MRPS22: variants seen among roughly 807,000 people sequenced by gnomAD.
MRPS22 encodes the protein mitochondrial ribosomal protein S22.
MRPS22 carries 30 observed loss-of-function variants against 44.0 expected under a neutral mutation model. The ratio of observed to expected loss-of-function variants is 0.68; its 90% confidence interval spans 0.51 to 0.93. The LOEUF is 0.93. Among genes scored for constraint, MRPS22 ranks in the 40% least tolerant of loss-of-function variants. The pLI is 0.00. For missense variants in MRPS22, 447 were observed against 447.8 expected, an observed-to-expected ratio of 1.00 and a Z score of 0.02; for synonymous variants, 165 against 154.4, an observed-to-expected ratio of 1.07 and a Z score of -0.51.
intron 3 of MRPS22, among the ~76,000 whole-genome samples, chr3:139,349,880 C>T (rs1941112904): frequency 6.6e-6 from 1 of 152,198 alleles, no homozygotes; most frequent in South Asian, 2.1e-4. Flanking sequence ...CTTCTTTCCT[C>T]TAAAATGGAT....
chr3:139,344,699 T>C (rs764287560), intron 1 of MRPS22: 2 of 701,230 alleles, frequency 2.9e-6, no homozygotes, highest in Non-Finnish European at 5.2e-6. Context: ...AGCACAGATA[T>C]TTGGGAACCC....
At position 139,344,163 on chromosome 3, in the gene MRPS22, T is replaced by C. The variant is rs1467055834; in HGVS notation, c.137T>C (p.Met46Thr). 4 of 1,612,284 alleles carry C rather than the reference T, an allele frequency of 2.5e-6. No individual in the cohort carries two copies. The highest frequency in any genetic ancestry group is 3.4e-6 in the Non-Finnish European group (4 of 1,179,540). Residue 46 changes from methionine (M) to threonine (T), a missense_variant, in exon 1 of 8, where the codon ATG (methionine) becomes ACG (threonine). By Grantham distance (81) the Met-to-Thr change is moderately conservative. Transcript: ENST00000680020. ...LLQPLPCSFE[M>T]GLPRRRFSSE... Reference sequence around the variant, plus strand: ...CAACCGCTACCTTGCTCTTTCGAGATGGGGCTGCCACGCCGCCGGTTCAGC... The same window carrying C: ...CAACCGCTACCTTGCTCTTTCGAGACGGGGCTGCCACGCCGCCGGTTCAGC...
intron 6 of MRPS22, among the ~76,000 whole-genome samples, chr3:139,354,922 G>A (rs1307839189): frequency 8.5e-5 from 13 of 152,180 alleles, no homozygotes; most frequent in Admixed American, 7.9e-4. Flanking sequence ...TGTGTGAAAA[G>A]ATAGTGATTG....
chr3:139,344,913 G>T (rs547712002), intron 1 of MRPS22, among the ~76,000 whole-genome samples: 13 of 152,314 alleles, frequency 8.5e-5, no homozygotes, highest in African/African-American at 2.4e-4. Flanking sequence ...GATGGGAAAG[G>T]AGGCGGAATT....
At position 139,350,233 on chromosome 3, in the gene MRPS22, G is replaced by A; in HGVS notation, c.559G>A (p.Glu187Lys). Residue 187 changes from glutamate to lysine, a missense_variant, in exon 4 of 8, where the codon GAA becomes AAA. Glu to Lys is a moderately conservative substitution (Grantham distance 56, BLOSUM62 1). Transcript: ENST00000680020. Reference sequence around the variant, plus strand: ...TGGCACACTACGCAAAGCCTCTTGGGAAGAACGGGACCGAATGATACAAGT... The same window carrying A: ...TGGCACACTACGCAAAGCCTCTTGGAAAGAACGGGACCGAATGATACAAGT... ...PSGTLRKASW[E>K]ERDRMIQVYF... The A allele has an allele frequency of 6.2e-7, 1 of 1,614,146 alleles. No homozygotes were observed. The highest frequency in any genetic ancestry group is 2.2e-5 in the East Asian group (1 of 44,878).
Position 139,344,187 on chromosome 3 carries a change from G to C in MRPS22, c.161G>C (p.Ser54Thr), listed in dbSNP as rs746117719. Residue 54 changes from serine to threonine, a missense_variant, in exon 1 of 8, where the codon AGC becomes ACC. Ser to Thr is a moderately conservative substitution (Grantham distance 58). Transcript: ENST00000680020. ...FEMGLPRRRF[S>T]SEAAESGSPE... ...ATGGGGCTGCCACGCCGCCGGTTCAGCTCCGAGGCCGGTAAGTGACCTTCC... is the reference window on the plus strand; with the variant it reads ...ATGGGGCTGCCACGCCGCCGGTTCACCTCCGAGGCCGGTAAGTGACCTTCC... 1 of 1,609,374 alleles carries C rather than the reference G, an allele frequency of 6.2e-7. No individual in the cohort carries two copies. Among genetic ancestry groups the C allele is most frequent in the Non-Finnish European group, 8.5e-7 (1 of 1,178,376 alleles).
chr3:139,344,925 A>C (rs964868072), intron 1 of MRPS22, among the ~76,000 whole-genome samples: 2 of 152,190 alleles, frequency 1.3e-5, no homozygotes, highest in African/African-American at 4.8e-5. Flanking sequence ...GGCGGAATTA[A>C]ACCTATTTGG....
At chr3:139,346,763 C>T in intron 1 of MRPS22, 115 bp from the exon 2 acceptor site, 1 of 1,016,114 alleles carries the variant, frequency 9.8e-7, no homozygotes, top group Non-Finnish European at 1.5e-6. Context: ...TAGCATTTTG[C>T]AGTGCCAAGG....
intron 1 of MRPS22, among the ~76,000 whole-genome samples, chr3:139,346,296 C>T (rs576752046): frequency 1.6e-3 from 248 of 152,248 alleles, no homozygotes; most frequent in African/African-American, 5.7e-3. Flanking sequence ...TGCTTAGTTT[C>T]TTCCTCTGCA....
chr3:139,348,063 C>G (rs1265454489), intron 2 of MRPS22, 97 bp from the exon 3 acceptor site: 1 of 1,280,086 alleles, frequency 7.8e-7, no homozygotes, highest in African/African-American at 1.5e-5. Flanking sequence ...CTTTTCTATG[C>G]AGGTTTTTGC....
chr3:139,349,671 A>G (rs1941109333), intron 3 of MRPS22, among the ~76,000 whole-genome samples: 1 of 152,208 alleles, frequency 6.6e-6, no homozygotes, highest in Non-Finnish European at 1.5e-5. Flanking sequence ...GTGACCAGAG[A>G]CAGTTGGACC....
rs1177216800 is a variant in MRPS22, at chr3:139,357,010, C to A, written c.1079C>A (p.Ser360Tyr). 2 of 1,606,086 alleles carry A rather than the reference C, an allele frequency of 1.2e-6. No homozygotes were observed. Among genetic ancestry groups the A allele is most frequent in the East Asian group, 2.2e-5 (1 of 44,774 alleles). Residue 360 changes from serine (S) to tyrosine (Y), a missense_variant, in exon 8 of 8, where the codon TCC becomes TAC. Coordinates refer to ENST00000680020, the MANE Select transcript of MRPS22 (RefSeq NM_020191.4). ...GCACTCAGTCGCCATTCTGCAGCTT[C>A]CTAAAAATATTTTAAAAATACATTT... is the stretch of plus-strand genomic sequence containing the variant. ...QEALSRHSAA[S>Y]
chr3:139,345,030 G>A (rs1941012744), intron 1 of MRPS22, among the ~76,000 whole-genome samples: 1 of 152,160 alleles, frequency 6.6e-6, no homozygotes, highest in African/African-American at 2.4e-5. Context: ...GTAACTAAAG[G>A]TGAGTGAATG....
At chr3:139,344,293 C>T in intron 1 of MRPS22, 95 bp downstream of exon 1, 8 of 1,297,842 alleles carry the variant, frequency 6.2e-6, no homozygotes, top group Non-Finnish European at 8.6e-6. Flanking sequence ...CCCCGCGACA[C>T]GTATCCTAGC....
intron 5 of MRPS22, 76 bp from the exon 6 acceptor site, chr3:139,352,571 C>A: frequency 7.4e-7 from 1 of 1,342,818 alleles, no homozygotes; most frequent in Non-Finnish European, 1.1e-6. Context: ...AGCACTCATG[C>A]TAATCAGTGT....
In MRPS22 at chr3:139,357,029, T is replaced by TA; in HGVS notation, c.*16dup. 1 of 1,556,752 alleles carries TA rather than the reference T, an allele frequency of 6.4e-7. No individual in the cohort carries two copies. Among genetic ancestry groups the TA allele is most frequent in the Non-Finnish European group, 8.8e-7 (1 of 1,132,244 alleles). ...CAGCTTCCTAAAAATATTTTAAAAATACATTTATTTTACTAAATACTGACT... is the reference window on the plus strand; with the variant it reads ...CAGCTTCCTAAAAATATTTTAAAAATAACATTTATTTTACTAAATACTGACT... On this transcript the variant is annotated 3_prime_UTR_variant, in exon 8 of 8. Coordinates refer to ENST00000680020, the MANE Select transcript of MRPS22 (RefSeq NM_020191.4).
chr3:139,354,896 G>C (rs1941214883), intron 6 of MRPS22, among the ~76,000 whole-genome samples: 1 of 152,162 alleles, frequency 6.6e-6, no homozygotes, highest in Non-Finnish European at 1.5e-5. Flanking sequence ...ATGGCAAATG[G>C]TGGGAAAGTG....
intron 1 of MRPS22, among the ~76,000 whole-genome samples, chr3:139,345,076 C>T (rs1941013776): frequency 6.6e-6 from 1 of 152,118 alleles, no homozygotes; most frequent in Non-Finnish European, 1.5e-5. Flanking sequence ...TGAGCACTTG[C>T]TGTGTGCTGG....
Position 139,352,804 on chromosome 3 carries a change from C to A in MRPS22, c.878+12C>A. The A allele has an allele frequency of 6.2e-7, 1 of 1,611,080 alleles. No individual in the cohort carries two copies. On this transcript the variant is annotated intron_variant, in intron 6 of 7. Coordinates refer to ENST00000680020, the MANE Select transcript of MRPS22 (RefSeq NM_020191.4). Reference sequence around the variant, plus strand: ...ATTCAGAGAGATTTGTAAGTATGATCTTAGTAAGTGAAAGAATCATTCTTA... The same window carrying A: ...ATTCAGAGAGATTTGTAAGTATGATATTAGTAAGTGAAAGAATCATTCTTA...
Sources: allele counts gnomAD v4.1 joint callset (sites outside exome capture counted in the v4.1 genomes callset), GRCh38; gene constraint gnomAD v4.1.1; transcripts MANE v1.5; gene names NCBI Gene and HGNC (gene_info 2026-07-23, HGNC 2026-07-21).